Variants in AUTS2 observed in about 807,000 individuals in gnomAD.
The protein encoded by AUTS2 is autism susceptibility gene 2 protein.
In AUTS2, 17 loss-of-function variants were observed where a neutral mutation model predicts 112.4. The observed-to-expected ratio is 0.15, with a 90% confidence interval of 0.10 to 0.23. The LOEUF (loss-of-function observed/expected upper bound fraction) is 0.23, where lower values mean the gene tolerates loss of function less well. Ranked by LOEUF, AUTS2 falls within the 10% of genes least tolerant of loss-of-function variation. The pLI, the probability that AUTS2 is intolerant of heterozygous loss-of-function variation, is 1.00. For synonymous variants in AUTS2, 751 were observed against 702.7 expected (o/e 1.07, Z -1.09); for missense variants, 1,510 against 1,701.6 (o/e 0.89, Z 1.98).
At chr7:69,720,867 T>C (rs1798895546) in intron 1 of AUTS2, among the ~76,000 whole-genome samples, 1 of 152,096 alleles carries the variant, frequency 6.6e-6, no homozygotes. Flanking sequence ...ATTTTGAGGA[T>C]AGAGGAAACA....
chr7:70,501,561 C>A (rs1306460244), intron 5 of AUTS2, among the ~76,000 whole-genome samples: 2 of 152,184 alleles, frequency 1.3e-5, no homozygotes. Context: ...AACTTACCCT[C>A]AGGCCCTTTC....
chr7:70,150,484 A>G (rs1309475025), intron 4 of AUTS2, among the ~76,000 whole-genome samples: 1 of 152,226 alleles, frequency 6.6e-6, no homozygotes, highest in Non-Finnish European at 1.5e-5. Context: ...CCCAGTAGAC[A>G]TGCTGTTCTT....
At chr7:70,183,438 C>T (rs980201084) in intron 4 of AUTS2, among the ~76,000 whole-genome samples, 2 of 152,210 alleles carry the variant, frequency 1.3e-5, no homozygotes, top group African/African-American at 4.8e-5. Context: ...TTAATTATTG[C>T]ATTTCTTATC....
intron 2 of AUTS2, among the ~76,000 whole-genome samples, chr7:70,048,420 GT>G: frequency 6.6e-6 from 1 of 152,222 alleles, no homozygotes. Flanking sequence ...ATAAGATTTT[GT>G]ACATATTTCT....
At chr7:69,782,875 G>A (rs1232764767) in intron 1 of AUTS2, among the ~76,000 whole-genome samples, 1 of 152,010 alleles carries the variant, frequency 6.6e-6, no homozygotes. Flanking sequence ...TTATTTTAAT[G>A]GTCTCTAAGT....
chr7:69,878,735 A>G (rs1413406151), intron 1 of AUTS2, among the ~76,000 whole-genome samples: 1 of 152,214 alleles, frequency 6.6e-6, no homozygotes, highest in East Asian at 1.9e-4. Context: ...ATTTTTAACT[A>G]GGAAGAGCAT....
At chr7:69,842,469 T>C (rs1370633133) in intron 1 of AUTS2, among the ~76,000 whole-genome samples, 1 of 152,208 alleles carries the variant, frequency 6.6e-6, no homozygotes, top group East Asian at 1.9e-4. Context: ...ACATCTGAAG[T>C]CTCCTGTAGC....
intron 5 of AUTS2, among the ~76,000 whole-genome samples, chr7:70,648,661 G>T (rs1006874224): frequency 6.6e-6 from 1 of 151,968 alleles, no homozygotes; most frequent in African/African-American, 2.4e-5. Context: ...GGCTCACTGC[G>T]ACCTCCGCCT....
At chr7:70,502,950 A>G (rs1158040887) in intron 5 of AUTS2, among the ~76,000 whole-genome samples, 1 of 151,044 alleles carries the variant, frequency 6.6e-6, no homozygotes, top group Non-Finnish European at 1.5e-5. Context: ...CACACATCAC[A>G]AAACACTTAG....
chr7:69,859,752 T>C (rs1014914912), intron 1 of AUTS2, among the ~76,000 whole-genome samples: 2 of 152,190 alleles, frequency 1.3e-5, no homozygotes, highest in Admixed American at 1.3e-4. Context: ...CTCTAGTTGC[T>C]CTGCTAAAAT....
chr7:70,643,020 T>G (rs924488931), intron 5 of AUTS2, among the ~76,000 whole-genome samples: 1 of 151,212 alleles, frequency 6.6e-6, no homozygotes, highest in African/African-American at 2.5e-5. Flanking sequence ...ATTTTTGATT[T>G]TTTAAATGTT....
intron 1 of AUTS2, among the ~76,000 whole-genome samples, chr7:69,602,165 T>C (rs1263588218): frequency 1.3e-5 from 2 of 151,996 alleles, no homozygotes; most frequent in East Asian, 3.9e-4. Context: ...GCTTGTGATA[T>C]ATATCTATTT....
rs772812127 is a variant in AUTS2 at position 70,631,962 on chromosome 7, G to C, written c.691-66607G>C. Among the ~76,000 whole-genome samples the C allele has an allele frequency of 6.6e-6, 1 of 151,872 alleles. No individual in the cohort carries two copies. Among genetic ancestry groups the C allele is most frequent in the Non-Finnish European group, 1.5e-5 (1 of 68,000 alleles). ...CATCTCTGGCCTCCTGTGGAGACCC[G>C]ATCTGCCGTCCTGGTGGGCAGCAGG... On this transcript the variant is annotated intron_variant, in intron 5 of 18. Transcript: ENST00000342771. The surrounding 1 kb of genome is among the most constrained non-coding windows in gnomAD (Gnocchi z 4.5).
intron 4 of AUTS2, among the ~76,000 whole-genome samples, chr7:70,224,404 T>TAC (rs1811659395): frequency 2.3e-5 from 3 of 130,134 alleles, no homozygotes; most frequent in Non-Finnish European, 3.4e-5. Context: ...CAATACAATA[T>TAC]AATACCATAC....
chr7:70,445,559 C>T (rs1393490941), intron 5 of AUTS2, among the ~76,000 whole-genome samples: 2 of 152,024 alleles, frequency 1.3e-5, no homozygotes, highest in African/African-American at 2.4e-5. Flanking sequence ...GGACTTTTTT[C>T]TTATTTTAGC....
intron 4 of AUTS2, among the ~76,000 whole-genome samples, chr7:70,388,998 G>A (rs1175528831): frequency 6.6e-6 from 1 of 152,184 alleles, no homozygotes; most frequent in Admixed American, 6.5e-5. Flanking sequence ...GGAGCTCAGG[G>A]AGAGCAAGCT....
intron 4 of AUTS2, among the ~76,000 whole-genome samples, chr7:70,163,041 A>G (rs910321786): frequency 1.3e-5 from 2 of 151,926 alleles, no homozygotes; most frequent in African/African-American, 2.4e-5. Flanking sequence ...TTTAAAAGAG[A>G]TGACTTTGCC....
chr7:70,245,795 A>G (rs1262053684), intron 4 of AUTS2, among the ~76,000 whole-genome samples: 1 of 152,176 alleles, frequency 6.6e-6, no homozygotes, highest in East Asian at 1.9e-4. Flanking sequence ...CATAAGGAAC[A>G]TTACTAGATA....
chr7:70,458,933 G>A (rs770807074), intron 5 of AUTS2, among the ~76,000 whole-genome samples: 11 of 152,352 alleles, frequency 7.2e-5, no homozygotes, highest in African/African-American at 1.2e-4. Flanking sequence ...GCCATGGACA[G>A]TGCAGCTGCC....
Sources: allele counts gnomAD v4.1 joint callset (sites outside exome capture counted in the v4.1 genomes callset), GRCh38; gene constraint gnomAD v4.1.1; non-coding constraint Gnocchi (gnomAD v3.1); transcripts MANE v1.5; gene names NCBI Gene and HGNC (gene_info 2026-07-23, HGNC 2026-07-21).